The following KANK1 variants were observed in gnomAD, a reference collection of about 807,000 sequenced individuals.
KANK1 encodes KN motif and ankyrin repeat domains 1.
A neutral mutation model predicts 106.2 loss-of-function variants in KANK1; 109 were observed. That is an observed-to-expected ratio of 1.03 (90% confidence interval 0.88 to 1.20). The LOEUF (loss-of-function observed/expected upper bound fraction) is 1.20. Ranked by LOEUF, KANK1 falls within the 50% of genes most tolerant of loss-of-function variation. The probability of loss-of-function intolerance (pLI) is 0.00; values close to 1 mark genes in which losing one functional copy is unlikely to be tolerated. For synonymous variants in KANK1, 873 were observed against 652.2 expected (o/e 1.34, Z -5.16); for missense variants, 2,399 against 1,710.7 (o/e 1.40, Z -7.10).
intron 1 of KANK1, among the ~76,000 whole-genome samples, chr9:673,078 G>T (rs549720232): frequency 2.0e-4 from 30 of 152,110 alleles, no homozygotes; most frequent in African/African-American, 7.2e-4. Flanking sequence ...TAAGAAGAAT[G>T]AGCACTCACA....
chr9:676,559 A>G (rs1430487083), intron 1 of KANK1, among the ~76,000 whole-genome samples: 5 of 152,228 alleles, frequency 3.3e-5, no homozygotes, highest in Non-Finnish European at 7.3e-5. Context: ...CTTAAAAACC[A>G]AAAATATTTC....
At chr9:496,434 T>G (rs367894600) in intron 3 of KANK1, among the ~76,000 whole-genome samples, 1 of 152,114 alleles carries the variant, frequency 6.6e-6, no homozygotes, top group East Asian at 1.9e-4. Flanking sequence ...CATATGCCTG[T>G]ATGTGCCAGC....
chr9:653,263 G>A (rs7863364), intron 1 of KANK1, among the ~76,000 whole-genome samples: 27,552 of 151,926 alleles, frequency 0.18, 2,728 homozygotes, highest in East Asian at 0.32. Flanking sequence ...CCCAGAGGTA[G>A]TTCGAGGCCA....
rs185725219 is a variant in KANK1 at position 593,827 on chromosome 9, C to T, written c.-83-83063C>T. On this transcript the variant is annotated intron_variant, in intron 1 of 11. Transcript: ENST00000382297. ...CTAAAATGTGTTCACTGGGTTATGA[C>T]AAGTAACTGGACTTCTAGGGAATGG... Among the ~76,000 whole-genome samples, 253 of 152,018 alleles carry T rather than the reference C, an allele frequency of 1.7e-3. 1 individual carries two copies. The highest frequency in any genetic ancestry group is 3.0e-3 in the Non-Finnish European group (202 of 68,022).
chr9:634,367 G>T (rs556200954), intron 1 of KANK1, among the ~76,000 whole-genome samples: 1 of 152,136 alleles, frequency 6.6e-6, no homozygotes, highest in African/African-American at 2.4e-5. Context: ...TATGAGTCCT[G>T]GCTCCCGGTG....
At chr9:574,874 A>G (rs1386102612) in intron 1 of KANK1, among the ~76,000 whole-genome samples, 1 of 151,924 alleles carries the variant, frequency 6.6e-6, no homozygotes, top group Non-Finnish European at 1.5e-5. Flanking sequence ...AAAAAAAGAA[A>G]AAAAATATTT....
chr9:691,204 T>C (rs1338325546), intron 2 of KANK1, among the ~76,000 whole-genome samples: 1 of 152,158 alleles, frequency 6.6e-6, no homozygotes, highest in Non-Finnish European at 1.5e-5. Flanking sequence ...CAAACACCCA[T>C]AGGGTCAGAT....
intron 1 of KANK1, among the ~76,000 whole-genome samples, chr9:603,466 A>G (rs1233633750): frequency 4.6e-5 from 7 of 151,826 alleles, no homozygotes; most frequent in African/African-American, 1.7e-4. Context: ...AAGGTTAGTA[A>G]TGTAAGTCAT....
intron 3 of KANK1, among the ~76,000 whole-genome samples, chr9:493,593 T>C (rs1481491355): frequency 1.4e-5 from 2 of 146,536 alleles, no homozygotes; most frequent in African/African-American, 2.6e-5. Context: ...TCTAGCTCTG[T>C]CTGGAGTGCA....
intron 1 of KANK1, among the ~76,000 whole-genome samples, chr9:573,557 A>G (rs925066010): frequency 2.6e-5 from 4 of 152,000 alleles, no homozygotes; most frequent in Admixed American, 6.6e-5. Flanking sequence ...GGCATGAGCC[A>G]CCGCGCCCGG....
chr9:689,125 A>G (rs775403868), intron 2 of KANK1, among the ~76,000 whole-genome samples: 13 of 152,270 alleles, frequency 8.5e-5, no homozygotes, highest in Non-Finnish European at 1.6e-4. Flanking sequence ...GCTGATTTCA[A>G]ATCTTGGATG....
intron 1 of KANK1, among the ~76,000 whole-genome samples, chr9:618,260 G>C (rs1278627860): frequency 1.3e-5 from 2 of 152,142 alleles, no homozygotes; most frequent in African/African-American, 4.8e-5. Flanking sequence ...ACAGGCTAAA[G>C]TGCAGTGGCG....
At chr9:636,080 T>A (rs570495644) in intron 1 of KANK1, among the ~76,000 whole-genome samples, 3 of 152,286 alleles carry the variant, frequency 2.0e-5, no homozygotes, top group South Asian at 4.1e-4. Context: ...AAATAAATGG[T>A]TGTACATCAG....
At chr9:720,179 T>G (rs7043585) in intron 3 of KANK1, among the ~76,000 whole-genome samples, 1 of 151,972 alleles carries the variant, frequency 6.6e-6, no homozygotes, top group Non-Finnish European at 1.5e-5. Context: ...TGTTTATGGC[T>G]GTTATAAGTT....
rs77740100 is a variant in KANK1 at position 685,151 on chromosome 9, C to T, written c.37+8142C>T. On this transcript the variant is annotated intron_variant, in intron 2 of 11. Coordinates refer to ENST00000382297, the MANE Select transcript of KANK1 (RefSeq NM_015158.5). ...GTATGCTCATGTTTTACAGGCTAAG[C>T]CTGGTTCTGCTTTTGAGCTGCAGTT... 1.6e-3 allele frequency among the ~76,000 whole-genome samples: 249 copies of T among 152,296 alleles called. 2 individuals carry two copies. The highest frequency in any genetic ancestry group is 5.6e-3 in the African/African-American group (231 of 41,550).
At chr9:492,011 T>C (rs2058385719) in intron 3 of KANK1, 1 of 152,254 alleles carries the variant, frequency 6.6e-6, no homozygotes. Flanking sequence ...TGAACTTCTT[T>C]CTTTTGTAAA....
intron 1 of KANK1, among the ~76,000 whole-genome samples, chr9:614,192 G>C (rs544468529): frequency 5.9e-5 from 9 of 152,190 alleles, no homozygotes; most frequent in African/African-American, 9.7e-5. Flanking sequence ...CAAACCAGCT[G>C]TGAGATAATG....
chr9:515,250 C>T (rs1317894203), intron 1 of KANK1, among the ~76,000 whole-genome samples: 1 of 150,546 alleles, frequency 6.6e-6, no homozygotes, highest in Non-Finnish European at 1.5e-5. Flanking sequence ...GAGGCTGAGG[C>T]AGGAGAATGG....
intron 1 of KANK1, among the ~76,000 whole-genome samples, chr9:564,585 T>C (rs962721670): frequency 6.6e-6 from 1 of 152,230 alleles, no homozygotes; most frequent in African/African-American, 2.4e-5. Context: ...TTTTAGCATG[T>C]ATTGATAACC....
Sources: gnomAD v4.1 joint callset for allele counts (sites outside exome capture counted in the v4.1 genomes callset) on GRCh38, gnomAD v4.1.1 for gene constraint, MANE v1.5 for transcripts, NCBI Gene and HGNC (gene_info 2026-07-23, HGNC 2026-07-21) for gene names.